MID2: variants seen among roughly 807,000 people sequenced by gnomAD.
MID2 encodes probable E3 ubiquitin-protein ligase MID2.
In MID2, 13 loss-of-function variants were observed where a neutral mutation model predicts 46.1. The observed-to-expected ratio is 0.28, with a 90% CI of 0.18 to 0.45. MID2 has a LOEUF of 0.45. MID2 is among the 20% of genes least tolerant of loss of function. The pLI is 1.00. For missense variants in MID2, 431 were observed against 575.4 expected (o/e 0.75, Z 2.57); for synonymous variants, 199 against 212.3 (o/e 0.94, Z 0.55).
intron 1 of MID2, among the ~76,000 whole-genome samples, chrX:107,831,270 G>A (rs1008503): frequency 0.047 from 5,244 of 111,398 alleles, 324 homozygotes; most frequent in African/African-American, 0.16. Flanking sequence ...CTTCCTTCCC[G>A]TAGGTCAGAC....
intron 3 of MID2, chrX:107,901,340 G>A (rs932137166): frequency 9.0e-6 from 1 of 111,603 alleles, no homozygotes; most frequent in Non-Finnish European, 1.9e-5. Flanking sequence ...GTAGCAGTCA[G>A]AGTTTACTGA....
At chrX:107,841,458 A>G (rs1473901893) in intron 2 of MID2, 73 bp downstream of exon 2, 12 of 802,840 alleles carry the variant, frequency 1.5e-5, no homozygotes, top group Non-Finnish European at 2.1e-5. Flanking sequence ...CTAATAAAAT[A>G]GGTGACTTTT....
chrX:107,838,166 G>A (rs1900131865), intron 1 of MID2, among the ~76,000 whole-genome samples: 1 of 111,970 alleles, frequency 8.9e-6, no homozygotes, highest in Non-Finnish European at 1.9e-5. Context: ...AATCAGAAGA[G>A]GAGCAGGTGT....
chrX:107,836,438 A>G, intron 1 of MID2, among the ~76,000 whole-genome samples: 1 of 111,102 alleles, frequency 9.0e-6, no homozygotes, highest in East Asian at 2.8e-4. Flanking sequence ...ATTTTAGTAG[A>G]GACGGGGTTT....
chrX:107,919,476 C>G (rs1384860362), intron 7 of MID2, among the ~76,000 whole-genome samples: 2 of 112,070 alleles, frequency 1.8e-5, no homozygotes, highest in Non-Finnish European at 3.8e-5. Context: ...AAACCTAATC[C>G]ATCTTTCACA....
intron 3 of MID2, among the ~76,000 whole-genome samples, chrX:107,887,527 A>G (rs1229588018): frequency 2.6e-4 from 29 of 111,840 alleles, no homozygotes; most frequent in Non-Finnish European, 4.9e-4. Context: ...TCGGTTTGCC[A>G]GTATTTTACT....
At chrX:107,827,155 A>T (rs1301188585) in intron 1 of MID2, among the ~76,000 whole-genome samples, 1 of 112,426 alleles carries the variant, frequency 8.9e-6, no homozygotes, top group African/African-American at 3.2e-5. Context: ...ACTGGTGATG[A>T]TAAGGTTTAG....
intron 5 of MID2, among the ~76,000 whole-genome samples, chrX:107,910,961 C>T (rs913983012): frequency 1.7e-4 from 17 of 100,886 alleles, no homozygotes; most frequent in African/African-American, 5.8e-4. Context: ...TCAAGTGATT[C>T]TTCTGCCTCA....
At chrX:107,926,646 C>T (rs942433982) in intron 9 of MID2, 25 bp from the exon 10 acceptor site, 1 of 1,180,547 alleles carries the variant, frequency 8.5e-7, no homozygotes, top group Middle Eastern at 2.4e-4. Flanking sequence ...ATGTTTATTT[C>T]TCTCTCCTTT....
At chrX:107,915,507 G>A (rs1279695705) in intron 5 of MID2, among the ~76,000 whole-genome samples, 1 of 109,721 alleles carries the variant, frequency 9.1e-6, no homozygotes, top group Non-Finnish European at 1.9e-5. Flanking sequence ...GCAGTGAACT[G>A]AGATGGCGCC....
intron 6 of MID2, 147 bp downstream of exon 6, chrX:107,916,276 A>C (rs1932969522): frequency 2.1e-6 from 1 of 471,380 alleles, no homozygotes; most frequent in African/African-American, 2.5e-5. Context: ...GACAGAATAT[A>C]TTTTAGTTCA....
At chrX:107,827,016 G>A (rs1460542697) in intron 1 of MID2, among the ~76,000 whole-genome samples, 1 of 112,894 alleles carries the variant, frequency 8.9e-6, no homozygotes, top group Non-Finnish European at 1.9e-5. Flanking sequence ...AATCAGCTCT[G>A]TGGGGGAGAG....
chrX:107,905,845 G>A (rs894916043), intron 5 of MID2, among the ~76,000 whole-genome samples: 2 of 111,852 alleles, frequency 1.8e-5, no homozygotes, highest in East Asian at 2.8e-4. Context: ...AGTACCAGCC[G>A]TAGCTATTGC....
chrX:107,847,100 T>C (rs1931505188), intron 2 of MID2, among the ~76,000 whole-genome samples: 1 of 112,494 alleles, frequency 8.9e-6, no homozygotes, highest in Non-Finnish European at 1.9e-5. Flanking sequence ...TTGTCTCACA[T>C]GAAGCTAGAA....
chrX:107,845,492 AACACACAC>A (rs1177184448), intron 2 of MID2, among the ~76,000 whole-genome samples: 4 of 86,538 alleles, frequency 4.6e-5, no homozygotes, highest in Non-Finnish European at 6.5e-5. Flanking sequence ...ATGGGAAAGT[AACACACAC>A]ACACACACAC....
At chrX:107,845,288 G>A (rs1412558036) in intron 2 of MID2, among the ~76,000 whole-genome samples, 1 of 111,201 alleles carries the variant, frequency 9.0e-6, no homozygotes, top group African/African-American at 3.3e-5. Flanking sequence ...CATGCCCACA[G>A]CCTGCCAAAA....
At chrX:107,868,429 G>A (rs757419489) in intron 3 of MID2, among the ~76,000 whole-genome samples, 1 of 111,720 alleles carries the variant, frequency 9.0e-6, no homozygotes, top group African/African-American at 3.3e-5. Context: ...AACCAGAAGA[G>A]AGGTTGGCTG....
At chrX:107,858,098 C>T (rs980433450) in intron 3 of MID2, among the ~76,000 whole-genome samples, 2 of 112,254 alleles carry the variant, frequency 1.8e-5, no homozygotes, top group African/African-American at 6.5e-5. Flanking sequence ...CCTATTATAA[C>T]AGAAACAGAG....
chrX:107,905,735 C>T (rs1446140831), intron 5 of MID2, 109 bp downstream of exon 5: 7 of 666,521 alleles, frequency 1.1e-5, no homozygotes, highest in Non-Finnish European at 1.6e-5. Context: ...AAGATTTTAC[C>T]AGTTAAGTAG....
Sources: gnomAD v4.1 joint callset for allele counts (sites outside exome capture counted in the v4.1 genomes callset) on GRCh38, gnomAD v4.1.1 for gene constraint, MANE v1.5 for transcripts, NCBI Gene and HGNC (gene_info 2026-07-23, HGNC 2026-07-21) for gene names.